Variants in CABCOCO1 observed in about 807,000 individuals in gnomAD.
CABCOCO1 encodes ciliary associated calcium binding coiled-coil 1, also known as ciliary-associated calcium-binding coiled-coil protein 1.
CABCOCO1 carries 28 observed loss-of-function variants against 35.7 expected under a neutral mutation model. The observed-to-expected ratio is 0.78, with a 90% CI of 0.58 to 1.07. The LOEUF (loss-of-function observed/expected upper bound fraction) is 1.07, where lower values mean the gene tolerates loss of function less well. Among genes scored for constraint, CABCOCO1 ranks in the 50% least tolerant of loss-of-function variants. The pLI is 0.00. For missense variants in CABCOCO1, 326 were observed against 309.2 expected, an observed-to-expected ratio of 1.05 and a Z score of -0.41; for synonymous variants, 95 against 100.1, an observed-to-expected ratio of 0.95 and a Z score of 0.30.
chr10:61,716,075 C>CAA (rs1840857661), intron 5 of CABCOCO1, among the ~76,000 whole-genome samples: 1 of 151,856 alleles, frequency 6.6e-6, no homozygotes, highest in African/African-American at 2.4e-5. Flanking sequence ...TTCCACAAGC[C>CAA]AACTTCCCAG....
chr10:61,756,282 A>T (rs1210086277), intron 5 of CABCOCO1, among the ~76,000 whole-genome samples: 3 of 152,032 alleles, frequency 2.0e-5, no homozygotes, highest in Non-Finnish European at 4.4e-5. Context: ...TGAACAATAT[A>T]ACTAACTTAA....
intron 1 of CABCOCO1, among the ~76,000 whole-genome samples, chr10:61,666,023 TA>T (rs1839162007): frequency 6.6e-6 from 1 of 152,208 alleles, no homozygotes; most frequent in Non-Finnish European, 1.5e-5. Flanking sequence ...TAATGTCTCT[TA>T]AAGTGTTATC....
At chr10:61,733,707 T>C (rs1303649919) in intron 5 of CABCOCO1, among the ~76,000 whole-genome samples, 1 of 152,110 alleles carries the variant, frequency 6.6e-6, no homozygotes, top group African/African-American at 2.4e-5. Flanking sequence ...ACATTCACAG[T>C]TCAGAAGATT....
intron 5 of CABCOCO1, among the ~76,000 whole-genome samples, chr10:61,719,484 C>T (rs1053000521): frequency 2.7e-5 from 4 of 150,864 alleles, no homozygotes; most frequent in African/African-American, 9.9e-5. Flanking sequence ...CCACACCCTC[C>T]ACACACACAC....
At chr10:61,736,947 T>C (rs910020686) in intron 5 of CABCOCO1, among the ~76,000 whole-genome samples, 4 of 152,082 alleles carry the variant, frequency 2.6e-5, no homozygotes, top group African/African-American at 9.7e-5. Context: ...CTCAGTTTGG[T>C]TGCTGCTGAT....
At chr10:61,720,409 C>T (rs1589139565) in intron 5 of CABCOCO1, among the ~76,000 whole-genome samples, 1 of 152,106 alleles carries the variant, frequency 6.6e-6, no homozygotes, top group South Asian at 2.1e-4. Context: ...GTCAAACTGG[C>T]ATTTAAATGT....
At chr10:61,694,823 A>G (rs1468618081) in intron 5 of CABCOCO1, among the ~76,000 whole-genome samples, 1 of 152,124 alleles carries the variant, frequency 6.6e-6, no homozygotes, top group Admixed American at 6.6e-5. Context: ...GGAAGAGAAT[A>G]TAGCAAATTT....
chr10:61,732,958 C>T (rs1432509950), intron 5 of CABCOCO1, among the ~76,000 whole-genome samples: 1 of 151,908 alleles, frequency 6.6e-6, no homozygotes, highest in Non-Finnish European at 1.5e-5. Flanking sequence ...GTTTTTAGAG[C>T]TTTTATTGGG....
intron 5 of CABCOCO1, among the ~76,000 whole-genome samples, chr10:61,695,295 CAA>C (rs573234486): frequency 1.4e-5 from 2 of 139,962 alleles, no homozygotes; most frequent in African/African-American, 2.7e-5. Flanking sequence ...GAAGATAAAT[CAA>C]AAAAAAAAAA....
chr10:61,705,442 A>C, intron 5 of CABCOCO1, among the ~76,000 whole-genome samples: 1 of 152,204 alleles, frequency 6.6e-6, no homozygotes, highest in East Asian at 1.9e-4. Flanking sequence ...ACTTTCTGTC[A>C]GTCAGTAAGT....
intron 5 of CABCOCO1, among the ~76,000 whole-genome samples, chr10:61,724,788 A>C (rs1480768069): frequency 6.6e-6 from 1 of 152,202 alleles, no homozygotes; most frequent in East Asian, 1.9e-4. Flanking sequence ...TCAGCATCTC[A>C]TACATCAATA....
At chr10:61,683,801 A>G (rs760866912) in intron 3 of CABCOCO1, among the ~76,000 whole-genome samples, 20 of 152,172 alleles carry the variant, frequency 1.3e-4, no homozygotes, top group Non-Finnish European at 1.3e-4. Flanking sequence ...CAGTTAGATA[A>G]ATGAAATTAT....
intron 1 of CABCOCO1, among the ~76,000 whole-genome samples, chr10:61,667,072 T>C (rs1461490736): frequency 7.0e-6 from 1 of 142,684 alleles, no homozygotes; most frequent in African/African-American, 2.5e-5. Flanking sequence ...TAAATATAAG[T>C]ATATATTATA....
intron 2 of CABCOCO1, among the ~76,000 whole-genome samples, chr10:61,677,391 T>C (rs1839546946): frequency 6.6e-6 from 1 of 152,226 alleles, no homozygotes; most frequent in South Asian, 2.1e-4. Flanking sequence ...TACATATTTC[T>C]GATCTATTAT....
intron 5 of CABCOCO1, among the ~76,000 whole-genome samples, chr10:61,751,362 A>C (rs902510241): frequency 3.9e-5 from 6 of 152,012 alleles, no homozygotes; most frequent in Admixed American, 6.6e-5. Flanking sequence ...ATCCTTCAAA[A>C]AATAGAAGGG....
chr10:61,761,060 T>C, intron 7 of CABCOCO1, 57 bp downstream of exon 7: 1 of 1,571,742 alleles, frequency 6.4e-7, no homozygotes, highest in South Asian at 1.1e-5. Flanking sequence ...TAGCCAACCT[T>C]AACTTTAATG....
At chr10:61,755,763 A>G (rs1841885538) in intron 5 of CABCOCO1, among the ~76,000 whole-genome samples, 1 of 152,070 alleles carries the variant, frequency 6.6e-6, no homozygotes, top group South Asian at 2.1e-4. Context: ...AACAAGCATT[A>G]CTAAAGTAAA....
At chr10:61,724,625 G>A (rs1212625669) in intron 5 of CABCOCO1, among the ~76,000 whole-genome samples, 1 of 152,146 alleles carries the variant, frequency 6.6e-6, no homozygotes, top group Admixed American at 6.5e-5. Context: ...AGATGGGAAG[G>A]CCTTTGAAAA....
At chr10:61,680,590 T>TATGTTATACATGTATAAC (rs1287465605) in intron 2 of CABCOCO1, among the ~76,000 whole-genome samples, 1 of 53,394 alleles carries the variant, frequency 1.9e-5, no homozygotes, top group African/African-American at 6.1e-5. Flanking sequence ...ATATATAACA[T>TATGTTATACATGTATAAC]ATGTTATACA....
Sources: allele counts gnomAD v4.1 joint callset (sites outside exome capture counted in the v4.1 genomes callset), GRCh38; gene constraint gnomAD v4.1.1; transcripts MANE v1.5; gene names NCBI Gene and HGNC (gene_info 2026-07-23, HGNC 2026-07-21).